The following C1GALT1 variants were observed in gnomAD, a reference collection of about 807,000 sequenced individuals.
C1GALT1 encodes core 1 synthase, glycoprotein-N-acetylgalactosamine 3-beta-galactosyltransferase 1, also known as glycoprotein-N-acetylgalactosamine 3-beta-galactosyltransferase 1.
A neutral mutation model predicts 31.0 loss-of-function variants in C1GALT1; 11 were observed. That is an observed-to-expected ratio of 0.36 (90% CI 0.22 to 0.59). The LOEUF (loss-of-function observed/expected upper bound fraction) is 0.59. Among genes scored for constraint, C1GALT1 ranks in the 20% least tolerant of loss-of-function variants. The pLI is 0.79. For synonymous variants in C1GALT1, 175 were observed against 143.6 expected (o/e 1.22, Z -1.56); for missense variants, 424 against 425.2 (o/e 1.00, Z 0.03).
At chr7:7,212,263 G>A (rs1438382654) in intron 1 of C1GALT1, among the ~76,000 whole-genome samples, 2 of 152,198 alleles carry the variant, frequency 1.3e-5, no homozygotes, top group African/African-American at 4.8e-5. Flanking sequence ...TAGGAGCCCT[G>A]TGCGGGGACT....
intron 1 of C1GALT1, among the ~76,000 whole-genome samples, chr7:7,218,856 T>C (rs1456895581): frequency 2.7e-5 from 4 of 150,190 alleles, no homozygotes; most frequent in Admixed American, 6.6e-5. Flanking sequence ...TTTTTTGAGA[T>C]GGAGTCTTGC....
chr7:7,233,517 C>T (rs1783188118), intron 1 of C1GALT1, among the ~76,000 whole-genome samples: 1 of 152,198 alleles, frequency 6.6e-6, no homozygotes. Context: ...AAGTGATCCA[C>T]CCGCCTTGGC....
At chr7:7,169,930 G>A (rs1429566593) in intron 2 of C1GALT1, among the ~76,000 whole-genome samples, 1 of 152,180 alleles carries the variant, frequency 6.6e-6, no homozygotes, top group East Asian at 1.9e-4. Flanking sequence ...AAGAATTGGT[G>A]TTAATTCTTC....
Position 7,244,091 on chromosome 7 carries a change from A to G in C1GALT1, c.*364A>G, listed in dbSNP as rs1455555106. 6.3e-6 allele frequency: 1 copy of G among 159,596 alleles called. No individual in the cohort carries two copies. Among genetic ancestry groups the G allele is most frequent in the Admixed American group, 6.3e-5 (1 of 15,924 alleles). 9.9% of individuals were successfully genotyped at this position (159,596 alleles called of 1,614,324 possible). On this transcript the variant is annotated 3_prime_UTR_variant, in exon 4 of 4. Transcript: ENST00000436587. ...TAAAACTACACTGCACCATGTTAGT[A>G]ATAAACAGATCTGCCTTAAAGAAAA...
At chr7:7,207,562 G>A (rs1342958528) in intron 1 of C1GALT1, among the ~76,000 whole-genome samples, 1 of 151,366 alleles carries the variant, frequency 6.6e-6, no homozygotes, top group Non-Finnish European at 1.5e-5. Flanking sequence ...AGTTCTTTGA[G>A]CATTTTTCAG....
chr7:7,233,880 A>T (rs1005348994), intron 1 of C1GALT1, among the ~76,000 whole-genome samples: 5 of 152,160 alleles, frequency 3.3e-5, no homozygotes, highest in Non-Finnish European at 7.4e-5. Context: ...AAAATATTTT[A>T]TTTCTAGTTC....
intron 1 of C1GALT1, among the ~76,000 whole-genome samples, chr7:7,232,484 GTTTTTTTTTTTTGTT>G (rs1783126336): frequency 7.5e-6 from 1 of 132,886 alleles, no homozygotes; most frequent in Admixed American, 8.7e-5. Context: ...AAGGGCGTGG[GTTTTTTTTTTTTGTT>G]TTTTTTTTTT....
chr7:7,187,491 A>G (rs1780871795), intron 1 of C1GALT1, among the ~76,000 whole-genome samples: 1 of 152,122 alleles, frequency 6.6e-6, no homozygotes, highest in Admixed American at 6.5e-5. Flanking sequence ...GTTTTAACAA[A>G]TTAGTGGAGA....
intron 1 of C1GALT1, among the ~76,000 whole-genome samples, chr7:7,191,179 C>T (rs913436760): frequency 6.6e-6 from 1 of 152,110 alleles, no homozygotes; most frequent in Non-Finnish European, 1.5e-5. Flanking sequence ...AACCAAAAGC[C>T]TACTCTGTCT....
intron 2 of C1GALT1, among the ~76,000 whole-genome samples, chr7:7,162,337 T>C (rs1463002862): frequency 7.0e-6 from 1 of 143,214 alleles, no homozygotes; most frequent in East Asian, 2.1e-4. Flanking sequence ...CATTGTTCAA[T>C]TCCCATCTAT....
At chr7:7,226,401 T>A (rs1180021241) in intron 1 of C1GALT1, among the ~76,000 whole-genome samples, 1 of 151,576 alleles carries the variant, frequency 6.6e-6, no homozygotes, top group African/African-American at 2.4e-5. Context: ...CAGGGCTTTA[T>A]TGTGAATTAC....
At chr7:7,165,867 C>G (rs1780386419) in intron 2 of C1GALT1, among the ~76,000 whole-genome samples, 1 of 152,080 alleles carries the variant, frequency 6.6e-6, no homozygotes. Flanking sequence ...TCATTTCATG[C>G]ACAAAATTTT....
At chr7:7,185,531 G>A (rs961932580) in intron 1 of C1GALT1, among the ~76,000 whole-genome samples, 7 of 152,186 alleles carry the variant, frequency 4.6e-5, no homozygotes, top group Non-Finnish European at 7.3e-5. Context: ...ATGCCTCTTA[G>A]CTTGTTGTGT....
At chr7:7,203,786 A>T (rs972654192) in intron 1 of C1GALT1, among the ~76,000 whole-genome samples, 1 of 152,128 alleles carries the variant, frequency 6.6e-6, no homozygotes, top group Non-Finnish European at 1.5e-5. Flanking sequence ...TAATTAGCAT[A>T]TCCATGATCT....
Position 7,159,305 on chromosome 7 carries a change from G to T in C1GALT1, c.-18+1879G>T, listed in dbSNP as rs542725089. On this transcript the variant is annotated intron_variant, in intron 2 of 3. Transcript: ENST00000429911. ...ATATTGACCACCTTTTCTCTACTAGGAGGGTCAGATATAAAAAGTAGAACT... is the reference window on the plus strand; with the variant it reads ...ATATTGACCACCTTTTCTCTACTAGTAGGGTCAGATATAAAAAGTAGAACT... Among the ~76,000 whole-genome samples, 19 of 152,086 alleles carry T rather than the reference G, an allele frequency of 1.2e-4. No homozygotes were observed. The East Asian group carries it at 2.9e-3, about 23-fold the overall frequency.
chr7:7,240,874 C>CTT (rs943378852), intron 3 of C1GALT1, among the ~76,000 whole-genome samples: 1 of 151,486 alleles, frequency 6.6e-6, no homozygotes. Context: ...CTTATACATA[C>CTT]TTTTTTTTTC....
chr7:7,163,494 G>C (rs1368028738), intron 2 of C1GALT1, among the ~76,000 whole-genome samples: 1 of 152,048 alleles, frequency 6.6e-6, no homozygotes, highest in East Asian at 1.9e-4. Context: ...GGAAATAAAG[G>C]GTATTCAATT....
intron 3 of C1GALT1, 70 bp from the exon 4 acceptor site, chr7:7,243,454 A>G (rs1783716112): frequency 7.2e-6 from 9 of 1,251,716 alleles, no homozygotes; most frequent in African/African-American, 1.5e-5. Flanking sequence ...CTGGTCCTTT[A>G]TAAGTATGTA....
chr7:7,238,490 G>A lies in C1GALT1; in HGVS notation c.456G>A (p.Gln152=). The A allele has an allele frequency of 6.2e-7, 1 of 1,614,042 alleles. No homozygotes were observed. Among genetic ancestry groups the A allele is most frequent in the South Asian group, 1.1e-5 (1 of 91,080 alleles). The change falls in exon 3 of 4, where the codon CAG becomes CAA. Residue 152 remains glutamine (Q), a synonymous_variant. Coordinates refer to ENST00000436587, the MANE Select transcript of C1GALT1 (RefSeq NM_020156.5). The surrounding 1 kb of genome is among the most constrained non-coding windows in gnomAD (Gnocchi z 5.2). ...ACTGGAAAACAATTAAAGCTTTTCA[G>A]TATGTTCATGAACATTATTTAGAAG... ...QLYWKTIKAF[Q]YVHEHYLEDA... is the part of the protein sequence containing the mutation.
Sources: allele counts gnomAD v4.1 joint callset (sites outside exome capture counted in the v4.1 genomes callset), GRCh38; gene constraint gnomAD v4.1.1; non-coding constraint Gnocchi (gnomAD v3.1); transcripts MANE v1.5; gene names NCBI Gene and HGNC (gene_info 2026-07-23, HGNC 2026-07-21).